GCNT1: variants seen among roughly 807,000 people sequenced by gnomAD.
The protein encoded by GCNT1 is glucosaminyl (N-acetyl) transferase 1.
GCNT1 carries 16 observed loss-of-function variants against 26.2 expected under a neutral mutation model. That is an observed-to-expected ratio of 0.61 (90% CI 0.41 to 0.93). The LOEUF is 0.93. GCNT1 is among the 40% of genes least tolerant of loss of function. The pLI is 0.00. For synonymous variants in GCNT1, 183 were observed against 190.8 expected (o/e 0.96, Z 0.34); for missense variants, 477 against 526.7 (o/e 0.91, Z 0.92).
At chr9:76,449,932 C>T (rs1823637664) in intron 1 of GCNT1, among the ~76,000 whole-genome samples, 1 of 151,924 alleles carries the variant, frequency 6.6e-6, no homozygotes, top group African/African-American at 2.4e-5. Flanking sequence ...TACAGACGCC[C>T]AGCTAATTTT....
intron 2 of GCNT1, among the ~76,000 whole-genome samples, chr9:76,466,136 AC>A (rs1366601360): frequency 6.6e-6 from 1 of 152,016 alleles, no homozygotes; most frequent in Non-Finnish European, 1.5e-5. Context: ...AAAGGGCTGG[AC>A]CCGTAGAGTT....
intron 1 of GCNT1, among the ~76,000 whole-genome samples, chr9:76,432,184 AT>A (rs1823345128): frequency 6.6e-6 from 1 of 152,188 alleles, no homozygotes; most frequent in African/African-American, 2.4e-5. Context: ...CAAAGACCAA[AT>A]TTTTTATTGG....
At chr9:76,499,109 C>T (rs980780186) in intron 2 of GCNT1, among the ~76,000 whole-genome samples, 32 of 150,958 alleles carry the variant, frequency 2.1e-4, no homozygotes, top group Non-Finnish European at 3.8e-4. Flanking sequence ...AATGATTTTG[C>T]TCATTATAGA....
intron 1 of GCNT1, among the ~76,000 whole-genome samples, chr9:76,444,263 C>G (rs1446331810): frequency 6.6e-6 from 1 of 152,216 alleles, no homozygotes; most frequent in Middle Eastern, 3.4e-3. Context: ...AGGACAGGTC[C>G]AGACTAGAGA....
At chr9:76,428,263 C>A (rs1349399701) in intron 1 of GCNT1, among the ~76,000 whole-genome samples, 7 of 27,282 alleles carry the variant, frequency 2.6e-4, no homozygotes, top group East Asian at 1.8e-3. Context: ...AAGACTCCGT[C>A]TCAAAAAAAA....
chr9:76,425,379 C>T (rs1162378317), intron 1 of GCNT1, among the ~76,000 whole-genome samples: 2 of 151,950 alleles, frequency 1.3e-5, no homozygotes, highest in Admixed American at 6.6e-5. Context: ...ACCGCCAACA[C>T]GCCCGTCTAA....
chr9:76,445,966 A>T (rs1823571233), intron 1 of GCNT1, among the ~76,000 whole-genome samples: 1 of 152,162 alleles, frequency 6.6e-6, no homozygotes, highest in Non-Finnish European at 1.5e-5. Flanking sequence ...CCTGGGCAAC[A>T]GAGCAAGACC....
At chr9:76,415,492 A>G (rs1178812141), upstream of GCNT1, among the ~76,000 whole-genome samples, 1 of 152,184 alleles carries the variant, frequency 6.6e-6, no homozygotes, top group African/African-American at 2.4e-5. Context: ...TGTAATTAAG[A>G]TGATTTTTCT....
chr9:76,478,155 G>C (rs897284242), intron 2 of GCNT1, among the ~76,000 whole-genome samples: 1 of 152,218 alleles, frequency 6.6e-6, no homozygotes, highest in African/African-American at 2.4e-5. Flanking sequence ...CCATCCCAGC[G>C]AGTAGCGGCA....
chr9:76,401,788 G>A, the GCNT1 span, among the ~76,000 whole-genome samples: 2 of 152,156 alleles, frequency 1.3e-5, no homozygotes, highest in African/African-American at 2.4e-5. Flanking sequence ...CCAGCACTTT[G>A]GGAGGCTGAG....
At chr9:76,481,290 C>T (rs1026581146) in intron 2 of GCNT1, among the ~76,000 whole-genome samples, 2 of 151,738 alleles carry the variant, frequency 1.3e-5, no homozygotes, top group African/African-American at 4.8e-5. Context: ...AAAGGAAATT[C>T]CTGTACCCCT....
chr9:76,442,780 C>T (rs1423101111), intron 1 of GCNT1, among the ~76,000 whole-genome samples: 11 of 151,990 alleles, frequency 7.2e-5, no homozygotes, highest in African/African-American at 2.7e-4. Context: ...TTACAAAGTA[C>T]CATATGAAGA....
intron 2 of GCNT1, among the ~76,000 whole-genome samples, chr9:76,478,315 C>A (rs1184550081): frequency 6.6e-6 from 1 of 152,134 alleles, no homozygotes; most frequent in African/African-American, 2.4e-5. Flanking sequence ...GACTATGAAC[C>A]CACTGAGAGG....
At chr9:76,439,165 AC>A, upstream of GCNT1, among the ~76,000 whole-genome samples, 1 of 150,928 alleles carries the variant, frequency 6.6e-6, no homozygotes, top group African/African-American at 2.4e-5. Context: ...AGAATTCCTC[AC>A]CTACTAAATC....
chr9:76,505,843 TTCA>T lies in GCNT1; in HGVS notation c.*2180_*2182del, dbSNP rs1431754608. On this transcript the variant is annotated 3_prime_UTR_variant, in exon 4 of 4. Transcript: ENST00000376730. ...TGGCAGGTTTTGAGGGATTTTTTTCTTCATCATAAATGTAAACATAGGATTTTA... is the reference window on the plus strand; with the variant it reads ...TGGCAGGTTTTGAGGGATTTTTTTCTTCATAAATGTAAACATAGGATTTTA... 6.0e-6 allele frequency: 1 copy of T among 166,022 alleles called. No individual in the cohort carries two copies. The highest frequency in any genetic ancestry group is 1.5e-5 in the Non-Finnish European group (1 of 68,114). The allele number at this position is 166,022 out of a possible 1,614,324, so 10.3% of individuals were successfully genotyped here. A position where few individuals can be genotyped will look rare whatever the true frequency, so the allele number is the denominator to read the frequency against.
chr9:76,443,750 G>A (rs1823518687), intron 1 of GCNT1, among the ~76,000 whole-genome samples: 1 of 152,192 alleles, frequency 6.6e-6, no homozygotes, highest in Non-Finnish European at 1.5e-5. Flanking sequence ...GTGTGGTGGT[G>A]CATGCCTATA....
chr9:76,405,460 C>T, the GCNT1 span, among the ~76,000 whole-genome samples: 5 of 152,176 alleles, frequency 3.3e-5, no homozygotes, highest in African/African-American at 1.2e-4. Flanking sequence ...TGGGTTTACA[C>T]AAAGGAATAC....
intron 2 of GCNT1, among the ~76,000 whole-genome samples, chr9:76,475,925 G>C (rs1029445402): frequency 6.6e-6 from 1 of 152,140 alleles, no homozygotes. Context: ...TCACACTTCT[G>C]TTTTGCTCCG....
chr9:76,459,001 A>T (rs1823810222), upstream of GCNT1, among the ~76,000 whole-genome samples: 1 of 152,248 alleles, frequency 6.6e-6, no homozygotes. Flanking sequence ...GCGAGGAAGC[A>T]CTAGGATCGC....
Sources: gnomAD v4.1 joint callset for allele counts (sites outside exome capture counted in the v4.1 genomes callset) on GRCh38, gnomAD v4.1.1 for gene constraint, MANE v1.5 for transcripts, NCBI Gene and HGNC (gene_info 2026-07-23, HGNC 2026-07-21) for gene names.